FRRS1: variants seen among roughly 807,000 people sequenced by gnomAD.
FRRS1 encodes the protein ferric reductase 1.
A neutral mutation model predicts 70.7 loss-of-function variants in FRRS1; 51 were observed. The ratio of observed to expected loss-of-function variants is 0.72; its 90% CI spans 0.58 to 0.91. The LOEUF is 0.91. Ranked by LOEUF, FRRS1 falls within the 40% of genes least tolerant of loss-of-function variation. FRRS1 has a pLI of 0.00. For missense variants in FRRS1, 672 were observed against 726.0 expected, an observed-to-expected ratio of 0.93 and a Z score of 0.86; for synonymous variants, 225 against 238.7, an observed-to-expected ratio of 0.94 and a Z score of 0.53.
Position 99,708,292 on chromosome 1 carries a change from T to C in FRRS1, c.*736A>G, listed in dbSNP as rs1294191692. Among the ~76,000 whole-genome samples, 1 of 151,996 alleles carries C rather than the reference T, an allele frequency of 6.6e-6. No individual in the cohort carries two copies. Among genetic ancestry groups the C allele is most frequent in the Non-Finnish European group, 1.5e-5 (1 of 67,966 alleles). ...TTTTCTTTAAAGTACCACAGCACCT[T>C]TGTAGTTCAAAATATATTTACCATA... On this transcript the variant is annotated 3_prime_UTR_variant, in exon 17 of 17. Coordinates refer to ENST00000646001, the MANE Select transcript of FRRS1 (RefSeq NM_001361041.2).
chr1:99,761,238 C>T (rs1215025600), intron 1 of FRRS1, among the ~76,000 whole-genome samples: 2 of 151,664 alleles, frequency 1.3e-5, no homozygotes, highest in African/African-American at 4.8e-5. Flanking sequence ...GCAATCCTCC[C>T]ACCTCACCCT....
At chr1:99,763,656 G>T (rs1249395269) in intron 1 of FRRS1, among the ~76,000 whole-genome samples, 1 of 152,054 alleles carries the variant, frequency 6.6e-6, no homozygotes. Flanking sequence ...ATCACCTAAG[G>T]TTAGAAGTTC....
chr1:99,726,410 G>T (rs1655082782), intron 9 of FRRS1, among the ~76,000 whole-genome samples: 2 of 152,154 alleles, frequency 1.3e-5, no homozygotes, highest in Non-Finnish European at 2.9e-5. Context: ...TGATATTATA[G>T]AAAGGATACA....
intron 8 of FRRS1, among the ~76,000 whole-genome samples, 175 bp from the exon 9 acceptor site, chr1:99,728,815 C>T (rs1655202593): frequency 6.6e-6 from 1 of 152,160 alleles, no homozygotes; most frequent in South Asian, 2.1e-4. Context: ...AACATTTTCT[C>T]CCAGTTTATT....
rs537497291 is a variant in FRRS1 at position 99,704,334 on chromosome 1, G to A, written c.*4694C>T. Among the ~76,000 whole-genome samples, 17 of 152,288 alleles carry A rather than the reference G, an allele frequency of 1.1e-4. No individual in the cohort carries two copies. The South Asian group carries it at 3.5e-3, about 32-fold the overall frequency. Reference sequence around the variant, plus strand: ...GCCTCCCATCCCATTTATAAGGATGGTCAAAACAAAAAGATACCAATGTTG... The same window carrying A: ...GCCTCCCATCCCATTTATAAGGATGATCAAAACAAAAAGATACCAATGTTG... On this transcript the variant is annotated 3_prime_UTR_variant, in exon 17 of 17. Transcript: ENST00000646001.
At position 99,708,228 on chromosome 1, in the gene FRRS1, A is replaced by G. The variant is rs1432045153; in HGVS notation, c.*800T>C. On this transcript the variant is annotated 3_prime_UTR_variant, in exon 17 of 17. Transcript: ENST00000646001. ...CTAAACTGAAAAACAGTTTCTAAAT[A>G]AAGTCCACAGACCATTCAGATAAAC... 6.6e-6 allele frequency among the ~76,000 whole-genome samples: 1 copy of G among 152,202 alleles called. No individual in the cohort carries two copies. The highest frequency in any genetic ancestry group is 2.4e-5 in the African/African-American group (1 of 41,446).
intron 4 of FRRS1, among the ~76,000 whole-genome samples, chr1:99,745,316 C>T (rs1656196392): frequency 6.6e-6 from 1 of 152,182 alleles, no homozygotes; most frequent in Admixed American, 6.5e-5. Context: ...AATAAGAAAT[C>T]TTTGTCTGGA....
chr1:99,764,666 T>C (rs1657269968), intron 1 of FRRS1, among the ~76,000 whole-genome samples: 1 of 152,244 alleles, frequency 6.6e-6, no homozygotes. Flanking sequence ...TCCATTAATG[T>C]AATCCAGCAG....
Position 99,740,814 on chromosome 1 carries a change from G to A in FRRS1, c.555C>T (p.Pro185=), listed in dbSNP as rs751501823. The A allele has an allele frequency of 2.1e-5, 34 of 1,611,588 alleles. No homozygotes were observed. Among genetic ancestry groups the A allele is most frequent in the African/African-American group, 2.7e-5 (2 of 74,844 alleles). The change falls in exon 6 of 17, where the codon CCC becomes CCT. Residue 185 remains proline, a synonymous_variant. Transcript: ENST00000646001. ...ATVVPLPTLP[P]VSHLTKPFSA... ...TTACTGGTTTGGTTAAGTGGGAAAC[G>A]GGAGGTAACGTTGGCAAAGGTACTA...
At chr1:99,757,805 T>C (rs903038819) in intron 1 of FRRS1, among the ~76,000 whole-genome samples, 2 of 152,184 alleles carry the variant, frequency 1.3e-5, no homozygotes, top group Non-Finnish European at 2.9e-5. Context: ...TTAATTAATT[T>C]ATGTCTTAAA....
rs1393650790 is a variant in FRRS1 at position 99,742,235 on chromosome 1, TG to T, written c.371del (p.Thr124LysfsTer20). On this transcript the variant is annotated frameshift_variant, in exon 5 of 17. Transcript: ENST00000646001. LOFTEE classifies it high-confidence loss of function. ...GAGCATTCCAGTAGACTTTAATTTCTGTTTTTTTAGATGCACTTCTGTGACT... is the reference window on the plus strand; with the variant it reads ...GAGCATTCCAGTAGACTTTAATTTCTTTTTTTTAGATGCACTTCTGTGACT... ...AVSHRSASKKTEIKVYWNAPS... is the reference protein window; with the variant it reads ...AVSHRSASKKXEIKVYWNAPS... 6.2e-7 allele frequency: 1 copy of T among 1,612,316 alleles called. No individual in the cohort carries two copies. Among genetic ancestry groups the T allele is most frequent in the East Asian group, 2.2e-5 (1 of 44,866 alleles).
chr1:99,749,960 G>T (rs965130994), intron 1 of FRRS1, among the ~76,000 whole-genome samples: 1 of 152,188 alleles, frequency 6.6e-6, no homozygotes, highest in African/African-American at 2.4e-5. Context: ...TTATAGAAAA[G>T]GAGTTTTCTA....
chr1:99,756,377 G>A (rs1293471008), intron 1 of FRRS1, among the ~76,000 whole-genome samples: 2 of 152,160 alleles, frequency 1.3e-5, no homozygotes, highest in Non-Finnish European at 2.9e-5. Flanking sequence ...AAAGACAAGT[G>A]CTTAGTAAAA....
chr1:99,722,880 C>T (rs560210099), intron 9 of FRRS1, among the ~76,000 whole-genome samples: 1 of 152,256 alleles, frequency 6.6e-6, no homozygotes, highest in East Asian at 1.9e-4. Flanking sequence ...GGGCTATTAA[C>T]CTGCCATTAT....
At chr1:99,749,647 T>C (rs1452298786) in intron 1 of FRRS1, among the ~76,000 whole-genome samples, 2 of 152,224 alleles carry the variant, frequency 1.3e-5, no homozygotes, top group Non-Finnish European at 2.9e-5. Context: ...ATAATTCTAC[T>C]ACATGTAGCC....
chr1:99,722,007 T>TTTA (rs1044083546), intron 9 of FRRS1, among the ~76,000 whole-genome samples: 9 of 151,720 alleles, frequency 5.9e-5, no homozygotes, highest in Non-Finnish European at 7.4e-5. Flanking sequence ...TTTATTTTAT[T>TTTA]TTATTATTAT....
intron 7 of FRRS1, among the ~76,000 whole-genome samples, chr1:99,730,312 ATAT>A (rs1306486041): frequency 1.1e-4 from 17 of 152,338 alleles, no homozygotes; most frequent in African/African-American, 4.1e-4. Context: ...ATTTAATGTT[ATAT>A]AACTGAGGCA....
chr1:99,729,570 G>C, intron 8 of FRRS1, 80 bp downstream of exon 8: 1 of 856,172 alleles, frequency 1.2e-6, no homozygotes, highest in Non-Finnish European at 1.9e-6. Context: ...AGGCAATCTA[G>C]CAGCACAGCC....
At position 99,708,557 on chromosome 1, in the gene FRRS1, C is replaced by G. The variant is rs1174673563; in HGVS notation, c.*471G>C. 1 of 125,090 alleles carries G rather than the reference C, an allele frequency of 8.0e-6. No individual in the cohort carries two copies. The highest frequency in any genetic ancestry group is 2.4e-4 in the East Asian group (1 of 4,192). The allele number at this position is 125,090 out of a possible 1,614,324, so 7.7% of individuals were successfully genotyped here. A position where few individuals can be genotyped will look rare whatever the true frequency, so the allele number is the denominator to read the frequency against. On this transcript the variant is annotated 3_prime_UTR_variant, in exon 17 of 17. Coordinates refer to ENST00000646001, the MANE Select transcript of FRRS1 (RefSeq NM_001361041.2). ...AGCTTGCAGTGAGCCGAGATTGCAC[C>G]ACTGCACTCCAGCCTGGGCGACAGA...
Sources: allele counts gnomAD v4.1 joint callset (sites outside exome capture counted in the v4.1 genomes callset), GRCh38; gene constraint gnomAD v4.1.1; transcripts MANE v1.5; gene names NCBI Gene and HGNC (gene_info 2026-07-23, HGNC 2026-07-21).